The following COL5A3 variants were observed in gnomAD, a reference collection of about 807,000 sequenced individuals.
COL5A3 encodes the protein collagen alpha-3(V) chain.
Under a neutral mutation model 250.0 loss-of-function variants are expected in COL5A3, and 172 were observed. The observed-to-expected ratio is 0.69, with a 90% CI of 0.61 to 0.78. COL5A3 has a LOEUF of 0.78. Among genes scored for constraint, COL5A3 ranks in the 30% least tolerant of loss-of-function variants. COL5A3 has a pLI of 0.00. For synonymous variants in COL5A3, 937 were observed against 900.4 expected, an observed-to-expected ratio of 1.04 and a Z score of -0.73; for missense variants, 2,340 against 2,334.4, an observed-to-expected ratio of 1.00 and a Z score of -0.05.
intron 4 of COL5A3, 32 bp from the exon 5 acceptor site, chr19:10,004,177 GCAGCCATA>G: frequency 6.6e-7 from 1 of 1,521,822 alleles, no homozygotes; most frequent in Non-Finnish European, 9.1e-7. Context: ...GTCAAGGAGG[GCAGCCATA>G]CAGCCATAGG....
At chr19:9,965,748 C>G (rs2086736074) in intron 64 of COL5A3, among the ~76,000 whole-genome samples, 1 of 152,186 alleles carries the variant, frequency 6.6e-6, no homozygotes, top group South Asian at 2.1e-4. Context: ...GCTACCACAT[C>G]CAGCCTATTG....
intron 32 of COL5A3, 72 bp from the exon 33 acceptor site, chr19:9,981,204 C>G: frequency 7.3e-7 from 1 of 1,373,960 alleles, no homozygotes; most frequent in Admixed American, 1.7e-5. Context: ...CACAAAAAGA[C>G]ACCCAGTCAC....
chr19:10,001,331 GACATGGGATTTC>G, intron 8 of COL5A3, among the ~76,000 whole-genome samples, 181 bp downstream of exon 8: 1 of 152,114 alleles, frequency 6.6e-6, no homozygotes, highest in Non-Finnish European at 1.5e-5. Flanking sequence ...ATTTTTAGTA[GACATGGGATTTC>G]ACCACGTTGG....
At chr19:9,973,833 A>C in intron 48 of COL5A3, 24 bp from the exon 49 acceptor site, 1 of 1,613,488 alleles carries the variant, frequency 6.2e-7, no homozygotes, top group East Asian at 2.2e-5. Context: ...AAGGGGTAAG[A>C]GTGGGACTGT....
Position 9,962,841 on chromosome 19 carries a change from C to T in COL5A3, c.4829G>A (p.Ser1610Asn). 1.2e-6 allele frequency: 2 copies of T among 1,611,378 alleles called. No individual in the cohort carries two copies. Among genetic ancestry groups the T allele is most frequent in the Non-Finnish European group, 1.7e-6 (2 of 1,178,738 alleles). The change falls in exon 65 of 67, where the codon AGC becomes AAC. Residue 1610 changes from serine to asparagine, a missense_variant. Around this residue, in one of 3 missense-constraint regions of COL5A3, gnomAD observed 1,179 missense variants for 1,162.6 expected, o/e 1.01. Coordinates refer to ENST00000264828, the MANE Select transcript of COL5A3 (RefSeq NM_015719.4). ...CACCTTCTTCCCTCGACGGAATGTG[C>T]TATACCAGCCTCCAGGCTTTTCCTT... ...WSKEKPGGWY[S>N]TFRRGKKFSY...
At chr19:9,972,215 A>G (rs1405095227) in intron 51 of COL5A3, among the ~76,000 whole-genome samples, 3 of 152,218 alleles carry the variant, frequency 2.0e-5, no homozygotes, top group Non-Finnish European at 4.4e-5. Context: ...GTGCACATTT[A>G]TTCATTCACA....
chr19:9,986,027 T>C, intron 30 of COL5A3, 132 bp from the exon 31 acceptor site: 3 of 795,510 alleles, frequency 3.8e-6, no homozygotes, highest in Non-Finnish European at 6.4e-6. Flanking sequence ...AAGTCCTTGC[T>C]CCTGCCTGCT....
rs893151003 is a variant in COL5A3, at chr19:9,993,890, C to G, written c.1588-84G>C. ...ATTAGGAACCCAACTTCATCATCAA[C>G]ATCAAGATTTTTTTTTTGACAGGGT... On this transcript the variant is annotated intron_variant, in intron 16 of 66. Coordinates refer to ENST00000264828, the MANE Select transcript of COL5A3 (RefSeq NM_015719.4). The G allele has an allele frequency of 4.1e-5, 53 of 1,282,806 alleles. No individual in the cohort carries two copies. The South Asian group carries it at 6.6e-4, about 16-fold the overall frequency. The allele number at this position is 1,282,806 out of a possible 1,614,324, so 79.5% of individuals were successfully genotyped here. A position where few individuals can be genotyped will look rare whatever the true frequency, so the allele number is the denominator to read the frequency against.
At chr19:9,970,837 G>T in intron 53 of COL5A3, 138 bp downstream of exon 53, 1 of 1,058,004 alleles carries the variant, frequency 9.5e-7, no homozygotes, top group Non-Finnish European at 1.3e-6. Flanking sequence ...ATTCCTGGGG[G>T]TCCCCAGAGA....
rs754657523 is a variant in COL5A3 at position 9,980,820 on chromosome 19, G to T, written c.2545C>A (p.Gln849Lys). The T allele has an allele frequency of 1.2e-6, 2 of 1,612,506 alleles. No individual in the cohort carries two copies. The highest frequency in any genetic ancestry group is 8.5e-7 in the Non-Finnish European group (1 of 1,179,330). Residue 849 changes from glutamine (Q) to lysine (K), a missense_variant, in exon 34 of 67, where the codon CAA (glutamine) becomes AAA (lysine). By Grantham distance (53) the Gln-to-Lys change is moderately conservative. Transcript: ENST00000264828. ...GERGQPGATG[Q>K]PGPKGDVGQD... Reference sequence around the variant, plus strand: ...CCATCCCATACCTTGGGGCCTGGTTGCCCTGTGGCACCCGGTTGCCCCCTC... The same window carrying T: ...CCATCCCATACCTTGGGGCCTGGTTTCCCTGTGGCACCCGGTTGCCCCCTC...
chr19:9,992,764 G>T (rs939257751), intron 21 of COL5A3, 63 bp downstream of exon 21: 3 of 1,535,440 alleles, frequency 2.0e-6, no homozygotes, highest in South Asian at 2.2e-5. Flanking sequence ...GCGACAGAGC[G>T]AGACCCTAAT....
At chr19:9,973,430 C>T (rs966777520) in intron 50 of COL5A3, 140 bp downstream of exon 50, 6 of 842,894 alleles carry the variant, frequency 7.1e-6, no homozygotes, top group Admixed American at 2.4e-5. Flanking sequence ...AGGTGTCCTT[C>T]CTCAAGGTAA....
chr19:9,974,542 T>C, intron 45 of COL5A3, 134 bp from the exon 46 acceptor site: 1 of 620,858 alleles, frequency 1.6e-6, no homozygotes, highest in Non-Finnish European at 2.6e-6. Flanking sequence ...CAGTGTTGAG[T>C]TGGAGTTGGG....
Position 9,986,320 on chromosome 19 carries a change from C to T in COL5A3, c.2347G>A (p.Glu783Lys), listed in dbSNP as rs750700882. The T allele has an allele frequency of 5.1e-6, 8 of 1,566,328 alleles. No individual in the cohort carries two copies. The East Asian group carries it at 1.3e-4, about 26-fold the overall frequency. ...GAGGGTGGAGAGTCATTTACCTTCTCCCCAGCTGAGCCTGGGGGCCCCTCC... is the reference window on the plus strand; with the variant it reads ...GAGGGTGGAGAGTCATTTACCTTCTTCCCAGCTGAGCCTGGGGGCCCCTCC... ...GEEGPPGSAG[E>K]KGKLGVPGLP... The change falls in exon 30 of 67, where the codon GAG becomes AAG. Residue 783 changes from glutamate to lysine, a missense_variant. Physicochemically the swap from Glu to Lys is moderately conservative, Grantham distance 56. Coordinates refer to ENST00000264828, the MANE Select transcript of COL5A3 (RefSeq NM_015719.4).
intron 27 of COL5A3, among the ~76,000 whole-genome samples, chr19:9,988,851 A>G (rs1008932885): frequency 3.9e-4 from 26 of 67,234 alleles, no homozygotes; most frequent in East Asian, 3.2e-3. Flanking sequence ...AAAAAAAAAA[A>G]AAAAAAAGAA....
chr19:9,967,495 T>TCA (rs3074540), intron 61 of COL5A3, 95 bp from the exon 62 acceptor site: 70 of 773,082 alleles, frequency 9.1e-5, no homozygotes, highest in Admixed American at 1.7e-4. Flanking sequence ...ACACACACAC[T>TCA]CACACACACA....
At chr19:9,991,690 G>C in intron 23 of COL5A3, 36 bp from the exon 24 acceptor site, 1 of 1,611,058 alleles carries the variant, frequency 6.2e-7, no homozygotes. Context: ...GAAGGCATAA[G>C]AAAGAAGCGG....
Position 9,966,483 on chromosome 19 carries a change from C to A in COL5A3, c.4669+53G>T, listed in dbSNP as rs1183073367. 98 of 1,551,786 alleles carry A rather than the reference C, an allele frequency of 6.3e-5. 2 individuals carry two copies. The East Asian group carries it at 2.1e-3, about 33-fold the overall frequency. On this transcript the variant is annotated intron_variant, in intron 63 of 66. Transcript: ENST00000264828. The stretch of plus-strand genomic sequence containing the variant: ...CGGATGGGACCCGACGGACCCCAAC[C>A]CCCCCCACACCCCCACTCCGCCCAT...
rs767343806 is a variant in COL5A3 at position 10,003,549 on chromosome 19, G to T, written c.849+16C>A. On this transcript the variant is annotated intron_variant, in intron 6 of 66. Transcript: ENST00000264828. ...AGGTGGTCAAAACCGGAAGTGAGAG[G>T]TCTCAGGGCCCTTACCTGGTTCTCT... The T allele has an allele frequency of 6.2e-7, 1 of 1,613,514 alleles. No homozygotes were observed. Among genetic ancestry groups the T allele is most frequent in the South Asian group, 1.1e-5 (1 of 91,000 alleles).
Sources: gnomAD v4.1 joint callset for allele counts (sites outside exome capture counted in the v4.1 genomes callset) on GRCh38, gnomAD v4.1.1 for gene constraint, gnomAD v4.1.1 regional missense constraint, MANE v1.5 for transcripts, NCBI Gene and HGNC (gene_info 2026-07-23, HGNC 2026-07-21) for gene names.